Variants in NARF observed in about 807,000 individuals in gnomAD.
NARF encodes the protein iron-only hydrogenase-like protein 2.
Under a neutral mutation model 48.0 loss-of-function variants are expected in NARF, and 41 were observed. The ratio of observed to expected loss-of-function variants is 0.85; its 90% CI spans 0.66 to 1.11. NARF has a LOEUF of 1.11. Ranked by LOEUF, NARF falls within the 50% of genes least tolerant of loss-of-function variation. NARF has a pLI of 0.00. For missense variants in NARF, 613 were observed against 590.2 expected, an observed-to-expected ratio of 1.04 and a Z score of -0.40; for synonymous variants, 215 against 225.5, an observed-to-expected ratio of 0.95 and a Z score of 0.42.
intron 7 of NARF, chr17:82,482,179 A>G: frequency 2.7e-6 from 1 of 365,162 alleles, no homozygotes; most frequent in South Asian, 1.9e-5. Context: ...TCAGTGGTAG[A>G]TGAGGCAGAG....
chr17:82,464,363 C>G lies in NARF; in HGVS notation c.185C>G (p.Ala62Gly), dbSNP rs373587517. The G allele has an allele frequency of 3.7e-6, 6 of 1,614,112 alleles. No individual in the cohort carries two copies. In the African/African-American group the frequency reaches 5.3e-5, roughly 14 times the overall value. ...DCLACDSCMT[A>G]EEGVQLSQQN... Reference sequence around the variant, plus strand: ...CTGGCATGTGACAGCTGTATGACTGCAGAGGAAGGAGTCCAACTTTCCCAG... The same window carrying G: ...CTGGCATGTGACAGCTGTATGACTGGAGAGGAAGGAGTCCAACTTTCCCAG... Residue 62 changes from alanine (A) to glycine (G), a missense_variant, in exon 3 of 11, where the codon GCA becomes GGA. Coordinates refer to ENST00000309794, the MANE Select transcript of NARF (RefSeq NM_012336.4).
chr17:82,487,788 C>CCAAGAAG, intron 10 of NARF, 128 bp from the exon 11 acceptor site: 1 of 759,778 alleles, frequency 1.3e-6, no homozygotes, highest in East Asian at 3.4e-5. Flanking sequence ...CCCTCCCGCC[C>CCAAGAAG]AATCTCTACA....
intron 3 of NARF, among the ~76,000 whole-genome samples, chr17:82,467,595 C>A (rs1179968927): frequency 6.6e-6 from 1 of 152,210 alleles, no homozygotes; most frequent in Non-Finnish European, 1.5e-5. Flanking sequence ...ACCTCCACCT[C>A]CCGGGTTCAA....
intron 5 of NARF, among the ~76,000 whole-genome samples, chr17:82,475,082 C>T (rs1479092572): frequency 6.6e-6 from 1 of 152,158 alleles, no homozygotes; most frequent in East Asian, 1.9e-4. Context: ...TGCCTGGACT[C>T]CAGCAACCTG....
Position 82,488,300 on chromosome 17 carries a change from A to G in NARF, c.*143A>G, listed in dbSNP as rs1195686474. 2 of 1,325,046 alleles carry G rather than the reference A, an allele frequency of 1.5e-6. No homozygotes were observed. The highest frequency in any genetic ancestry group is 1.5e-5 in the African/African-American group (1 of 67,282). The allele number at this position is 1,325,046 out of a possible 1,614,324, so 82.1% of individuals were successfully genotyped here. The stretch of plus-strand genomic sequence containing the variant: ...CTTTGGTTTCTCCGAGTTCCCTGCT[A>G]CCCCGTTTATTGGAGGCCCCTCAGG... On this transcript the variant is annotated 3_prime_UTR_variant, in exon 11 of 11. Transcript: ENST00000309794.
At chr17:82,476,287 ACTT>A (rs1313042230) in intron 5 of NARF, among the ~76,000 whole-genome samples, 1 of 151,914 alleles carries the variant, frequency 6.6e-6, no homozygotes, top group Admixed American at 6.6e-5. Context: ...GATTACAGGC[ACTT>A]GCCACCATGC....
intron 5 of NARF, among the ~76,000 whole-genome samples, chr17:82,473,559 G>T (rs1599837274): frequency 6.6e-6 from 1 of 151,078 alleles, no homozygotes; most frequent in Non-Finnish European, 1.5e-5. Context: ...CACCGTGTTA[G>T]TCAGGATGGT....
intron 10 of NARF, among the ~76,000 whole-genome samples, chr17:82,485,908 A>C (rs1416576108): frequency 2.0e-5 from 3 of 152,214 alleles, no homozygotes; most frequent in African/African-American, 7.2e-5. Flanking sequence ...CCAACATGGC[A>C]CCAGGTGAGA....
intron 5 of NARF, 39 bp from the exon 6 acceptor site, chr17:82,478,761 A>C (rs750000888): frequency 6.4e-7 from 1 of 1,571,818 alleles, no homozygotes; most frequent in Non-Finnish European, 8.7e-7. Context: ...GACCAGAGGA[A>C]GCAGTAAGGA....
At chr17:82,486,917 T>C (rs1309552363) in intron 10 of NARF, among the ~76,000 whole-genome samples, 1 of 152,210 alleles carries the variant, frequency 6.6e-6, no homozygotes, top group Non-Finnish European at 1.5e-5. Flanking sequence ...ACATTTTTAC[T>C]CAGGCCAGTG....
chr17:82,485,695 G>A, intron 10 of NARF, 41 bp downstream of exon 10: 1 of 1,609,636 alleles, frequency 6.2e-7, no homozygotes, highest in Non-Finnish European at 8.5e-7. Flanking sequence ...TCTCCCACGG[G>A]TGCTCAGGCC....
In NARF at chr17:82,462,426, A is replaced by G. The variant is rs180795928; in HGVS notation, c.109-1861A>G. On this transcript the variant is annotated intron_variant, in intron 2 of 10. Transcript: ENST00000309794. ...GCAGGTGATGGAGGTAACCGACTTA[A>G]GCTGGCTAGAGTAGGGGAAGAATTG... Among the ~76,000 whole-genome samples, 7 of 152,308 alleles carry G rather than the reference A, an allele frequency of 4.6e-5. No homozygotes were observed. The East Asian group carries it at 1.4e-3, about 29-fold the overall frequency.
chr17:82,487,881 A>G, intron 10 of NARF, 35 bp from the exon 11 acceptor site: 1 of 1,606,076 alleles, frequency 6.2e-7, no homozygotes, highest in Non-Finnish European at 8.5e-7. Flanking sequence ...AGATCGCCTG[A>G]GCCCAGGATA....
At chr17:82,475,651 G>A (rs1384191304) in intron 5 of NARF, among the ~76,000 whole-genome samples, 1 of 152,142 alleles carries the variant, frequency 6.6e-6, no homozygotes, top group Non-Finnish European at 1.5e-5. Context: ...GGAAGCAAGG[G>A]GCTGGCCTGC....
chr17:82,461,711 T>C (rs1431451045), intron 2 of NARF, among the ~76,000 whole-genome samples: 1 of 152,202 alleles, frequency 6.6e-6, no homozygotes, highest in Admixed American at 6.5e-5. Flanking sequence ...GTGAAGGGTG[T>C]TGGGAGAGGT....
At position 82,467,073 on chromosome 17, in the gene NARF, G is replaced by A. The variant is rs151272996; in HGVS notation, c.253-1691G>A. Among the ~76,000 whole-genome samples the A allele has an allele frequency of 1.7e-4, 25 of 151,280 alleles. No homozygotes were observed. In the Middle Eastern group the frequency reaches 0.017, roughly 104 times the overall value. On this transcript the variant is annotated intron_variant, in intron 3 of 10. Transcript: ENST00000309794. ...TTTCTTGACCCTTTTTTGAGATGGA[G>A]TCTCACTCTGTCGCCCAGGCTTGAG...
chr17:82,483,875 C>G, intron 8 of NARF, 96 bp downstream of exon 8: 1 of 1,180,154 alleles, frequency 8.5e-7, no homozygotes, highest in Non-Finnish European at 1.2e-6. Context: ...TGCTTTATGA[C>G]GAGGCCATGT....
intron 4 of NARF, among the ~76,000 whole-genome samples, chr17:82,470,072 A>C (rs571118975): frequency 1.5e-4 from 23 of 152,340 alleles, no homozygotes; most frequent in African/African-American, 4.3e-4. Context: ...TCTCTGCTAA[A>C]TAAGTACATA....
intron 2 of NARF, chr17:82,463,337 A>G (rs544908201): frequency 6.6e-6 from 1 of 152,350 alleles, no homozygotes; most frequent in East Asian, 1.9e-4. Flanking sequence ...AGAACAAGAC[A>G]GTGTTCAAGC....
Sources: allele counts gnomAD v4.1 joint callset (sites outside exome capture counted in the v4.1 genomes callset), GRCh38; gene constraint gnomAD v4.1.1; transcripts MANE v1.5; gene names NCBI Gene and HGNC (gene_info 2026-07-23, HGNC 2026-07-21).